Variants in SNED1 observed in about 807,000 individuals in gnomAD.
SNED1 encodes the protein sushi, nidogen and EGF-like domain-containing protein 1.
SNED1 carries 81 observed loss-of-function variants against 166.7 expected under a neutral mutation model. The observed-to-expected ratio is 0.49, with a 90% CI of 0.41 to 0.58. The LOEUF (loss-of-function observed/expected upper bound fraction) is 0.58, where lower values mean the gene tolerates loss of function less well. Among genes scored for constraint, SNED1 ranks in the 20% least tolerant of loss-of-function variants. The pLI, the probability that SNED1 is intolerant of heterozygous loss-of-function variation, is 0.00. For synonymous variants in SNED1, 762 were observed against 822.0 expected, an observed-to-expected ratio of 0.93 and a Z score of 1.25; for missense variants, 1,604 against 2,000.2, an observed-to-expected ratio of 0.80 and a Z score of 3.78.
At chr2:241,005,610 G>GA (rs2060201287) in intron 1 of SNED1, among the ~76,000 whole-genome samples, 1 of 152,022 alleles carries the variant, frequency 6.6e-6, no homozygotes, top group South Asian at 2.1e-4. Flanking sequence ...TTTAAAATCT[G>GA]AAAATCTCTT....
At position 241,073,218 on chromosome 2, in the gene SNED1, C is replaced by A; in HGVS notation, c.3818-48C>A. On this transcript the variant is annotated intron_variant, in intron 26 of 31. Coordinates refer to ENST00000310397, the MANE Select transcript of SNED1 (RefSeq NM_001080437.3). The surrounding 1 kb of genome is among the most constrained non-coding windows in gnomAD (Gnocchi z 6.6). ...CAAAAGGGTGGCCCCAGGACCATCC[C>A]GGGTGCAAAGCAGCTGCGCCGTGTG... 7.1e-7 allele frequency: 1 copy of A among 1,402,314 alleles called. No individual in the cohort carries two copies. The highest frequency in any genetic ancestry group is 9.9e-7 in the Non-Finnish European group (1 of 1,014,116). 86.9% of individuals were successfully genotyped at this position (1,402,314 alleles called of 1,614,324 possible).
intron 30 of SNED1, chr2:241,087,710 C>T: frequency 1.0e-5 from 14 of 1,359,368 alleles, no homozygotes; most frequent in Non-Finnish European, 1.3e-5. Context: ...GGGGGGGTCA[C>T]TCTGGTTATG....
At chr2:241,030,771 T>G (rs529604498) in intron 2 of SNED1, among the ~76,000 whole-genome samples, 200 bp downstream of exon 2, 1 of 152,262 alleles carries the variant, frequency 6.6e-6, no homozygotes, top group South Asian at 2.1e-4. Context: ...TGGAAGCCAC[T>G]TGCCTCCAGG....
intron 1 of SNED1, among the ~76,000 whole-genome samples, chr2:241,024,235 CTTT>C (rs10664618): frequency 6.4e-5 from 3 of 46,940 alleles, no homozygotes; most frequent in African/African-American, 1.7e-4. Context: ...ACTCTACTAC[CTTT>C]TTTTTTTTTT....
In SNED1 at chr2:241,067,913, G is replaced by A. The variant is rs200407668; in HGVS notation, c.3160G>A (p.Asp1054Asn). The change falls in exon 22 of 32, where the codon GAT becomes AAT. Residue 1054 changes from aspartate (D) to asparagine (N), a missense_variant. Around this residue, in one of 2 missense-constraint regions of SNED1, gnomAD observed 1,237 missense variants for 1,620.8 expected, o/e 0.76. Transcript: ENST00000310397. ...HPEALRDQAT[D>N]VDRSVDRFTF... ...TGAGGCCCTCAGGGACCAGGCCACC[G>A]ATGTGGACAGGAGTGTGGACAGGTT... is the stretch of plus-strand genomic sequence containing the variant. 187 of 1,613,274 alleles carry A rather than the reference G, an allele frequency of 1.2e-4. No homozygotes were observed. The highest frequency in any genetic ancestry group is 3.1e-4 in the African/African-American group (23 of 75,044).
At position 241,069,260 on chromosome 2, in the gene SNED1, C is replaced by A. The variant is rs900449690; in HGVS notation, c.3307+237C>A. Among the ~76,000 whole-genome samples the A allele has an allele frequency of 2.0e-5, 3 of 152,200 alleles. No homozygotes were observed. In the East Asian group the frequency reaches 5.8e-4, roughly 29 times the overall value. On this transcript the variant is annotated intron_variant, in intron 23 of 31. Transcript: ENST00000310397. The surrounding 1 kb of genome is among the most constrained non-coding windows in gnomAD (Gnocchi z 4.9). ...CATCTCTAAAGGCTCCTGGTAGCTC[C>A]TCAGCATGGAGTTCCTACTGGACAC...
At chr2:241,020,823 C>G (rs535372068) in intron 1 of SNED1, among the ~76,000 whole-genome samples, 36 of 152,294 alleles carry the variant, frequency 2.4e-4, no homozygotes, top group African/African-American at 8.7e-4. Flanking sequence ...GGACTCCACA[C>G]TGTTTCTGCA....
At chr2:241,055,048 C>T (rs578001504) in intron 16 of SNED1, among the ~76,000 whole-genome samples, 6 of 151,466 alleles carry the variant, frequency 4.0e-5, no homozygotes, top group African/African-American at 7.3e-5. Flanking sequence ...GCCTGGGAGG[C>T]GGAGGTTGCA....
In SNED1 at chr2:241,094,762, A is replaced by C; in HGVS notation, c.*3126A>C. ...AGCACCCCTGGCCTCTACCCACTAGAATCCTACAATCTACCAGATCCTAGG... is the reference window on the plus strand; with the variant it reads ...AGCACCCCTGGCCTCTACCCACTAGCATCCTACAATCTACCAGATCCTAGG... On this transcript the variant is annotated 3_prime_UTR_variant, in exon 32 of 32. Transcript: ENST00000310397. This position sits in a 1 kb window ranked among gnomAD's most constrained non-coding sequence, Gnocchi z 4.3. The C allele has an allele frequency of 5.9e-6, 1 of 170,058 alleles. No homozygotes were observed. Among genetic ancestry groups the C allele is most frequent in the Non-Finnish European group, 1.3e-5 (1 of 78,396 alleles). 10.5% of individuals were successfully genotyped at this position (170,058 alleles called of 1,614,324 possible). A position where few individuals can be genotyped will look rare whatever the true frequency, so the allele number is the denominator to read the frequency against.
chr2:241,067,069 C>T (rs758406713), intron 21 of SNED1, among the ~76,000 whole-genome samples: 39 of 152,230 alleles, frequency 2.6e-4, no homozygotes, highest in Non-Finnish European at 4.4e-4. Flanking sequence ...CCTGCAAGGC[C>T]GCCCCATGTG....
chr2:241,023,427 G>A (rs972172012), intron 1 of SNED1, among the ~76,000 whole-genome samples: 1 of 151,868 alleles, frequency 6.6e-6, no homozygotes, highest in African/African-American at 2.4e-5. Context: ...AACAAGCTCT[G>A]TAAGGTTTGC....
At chr2:241,057,057 A>G (rs60212343) in intron 16 of SNED1, among the ~76,000 whole-genome samples, 2,561 of 152,272 alleles carry the variant, frequency 0.017, 64 homozygotes, top group African/African-American at 0.059. Flanking sequence ...CACAAATTCA[A>G]AAAGCTCAGC....
chr2:241,066,827 G>A (rs1376829615), intron 21 of SNED1, among the ~76,000 whole-genome samples: 1 of 152,194 alleles, frequency 6.6e-6, no homozygotes, highest in Non-Finnish European at 1.5e-5. Context: ...AGGGCATTGA[G>A]GGACAGGAGA....
At chr2:241,027,154 C>T (rs2060994896) in intron 1 of SNED1, among the ~76,000 whole-genome samples, 2 of 151,842 alleles carry the variant, frequency 1.3e-5, no homozygotes, top group African/African-American at 4.8e-5. Flanking sequence ...GATCTTGGCT[C>T]ACTGCAACCT....
Position 241,095,106 on chromosome 2 carries a change from C to T in SNED1, c.*3470C>T, listed in dbSNP as rs1181703705. Reference sequence around the variant, plus strand: ...CACCTTGGGGGGTCACGGATTGCTCCCTGTGGCCCTGGCTTCAGCCCACCT... The same window carrying T: ...CACCTTGGGGGGTCACGGATTGCTCTCTGTGGCCCTGGCTTCAGCCCACCT... On this transcript the variant is annotated 3_prime_UTR_variant, in exon 32 of 32. Coordinates refer to ENST00000310397, the MANE Select transcript of SNED1 (RefSeq NM_001080437.3). 1 of 151,006 alleles carries T rather than the reference C, an allele frequency of 6.6e-6. No homozygotes were observed. The highest frequency in any genetic ancestry group is 1.5e-5 in the Non-Finnish European group (1 of 67,852). 9.4% of individuals were successfully genotyped at this position (151,006 alleles called of 1,614,324 possible). A position where few individuals can be genotyped will look rare whatever the true frequency, so the allele number is the denominator to read the frequency against.
intron 1 of SNED1, among the ~76,000 whole-genome samples, chr2:241,020,423 C>T (rs372582554): frequency 6.6e-6 from 1 of 152,224 alleles, no homozygotes; most frequent in Non-Finnish European, 1.5e-5. Flanking sequence ...GCCCAGGCAT[C>T]GGGGGCCCCG....
rs955543580 is a variant in SNED1, at chr2:241,093,795, G to A, written c.*2159G>A. 8 of 152,410 alleles carry A rather than the reference G, an allele frequency of 5.2e-5. No homozygotes were observed. In the East Asian group the frequency reaches 1.3e-3, roughly 26 times the overall value. 9.4% of individuals were successfully genotyped at this position (152,410 alleles called of 1,614,324 possible). A position where few individuals can be genotyped will look rare whatever the true frequency, so the allele number is the denominator to read the frequency against. ...GAGGCCACCACAGCTTTTCCCATGT[G>A]GCTTCTTTTAAAAACTCAAATGGCT... On this transcript the variant is annotated 3_prime_UTR_variant, in exon 32 of 32. Coordinates refer to ENST00000310397, the MANE Select transcript of SNED1 (RefSeq NM_001080437.3).
intron 1 of SNED1, among the ~76,000 whole-genome samples, chr2:241,026,422 C>T (rs1398715654): frequency 6.6e-6 from 1 of 152,138 alleles, no homozygotes; most frequent in African/African-American, 2.4e-5. Flanking sequence ...GTCTCCTTTC[C>T]TTCTGGTGCT....
rs772269185 is a variant in SNED1 at position 241,030,466 on chromosome 2, G to A, written c.396G>A (p.Glu132=). The A allele has an allele frequency of 5.6e-6, 9 of 1,613,790 alleles. No homozygotes were observed. In the South Asian group the frequency reaches 7.7e-5, roughly 14 times the overall value. Residue 132 remains glutamate (E), a synonymous_variant, in exon 2 of 32, where the codon GAG becomes GAA. Transcript: ENST00000310397. ...TDPAMLRRAT[E]DVRHYFPELL... ...CAGCCATGCTGCGCCGAGCCACGGAGGACGTCAGGCACTACTTCCCCGAGC... is the reference window on the plus strand; with the variant it reads ...CAGCCATGCTGCGCCGAGCCACGGAAGACGTCAGGCACTACTTCCCCGAGC...
Sources: allele counts gnomAD v4.1 joint callset (sites outside exome capture counted in the v4.1 genomes callset), GRCh38; gene constraint gnomAD v4.1.1; regional missense constraint gnomAD v4.1.1; non-coding constraint Gnocchi (gnomAD v3.1); transcripts MANE v1.5; gene names NCBI Gene and HGNC (gene_info 2026-07-23, HGNC 2026-07-21).